Variants in TSHZ2 observed in about 807,000 individuals in gnomAD.
TSHZ2 encodes teashirt zinc finger homeobox 2, also known as teashirt homolog 2.
In TSHZ2, 21 loss-of-function variants were observed where a neutral mutation model predicts 74.4. The observed-to-expected ratio is 0.28, with a 90% CI of 0.20 to 0.41. The LOEUF is 0.41. Ranked by LOEUF, TSHZ2 falls within the 10% of genes least tolerant of loss-of-function variation. The pLI is 1.00. For missense variants in TSHZ2, 1,244 were observed against 1,293.5 expected, an observed-to-expected ratio of 0.96 and a Z score of 0.59; for synonymous variants, 540 against 515.3, an observed-to-expected ratio of 1.05 and a Z score of -0.65.
chr20:53,077,817 CAA>C (rs1303285040), intron 1 of TSHZ2, among the ~76,000 whole-genome samples: 6 of 152,338 alleles, frequency 3.9e-5, no homozygotes, highest in Admixed American at 3.3e-4. Flanking sequence ...AAATTAATAA[CAA>C]ATTTCCTGAT....
chr20:53,242,890 C>G (rs1990106448), intron 1 of TSHZ2, among the ~76,000 whole-genome samples: 1 of 152,148 alleles, frequency 6.6e-6, no homozygotes, highest in Non-Finnish European at 1.5e-5. Flanking sequence ...CTGGGTATAG[C>G]AATGGGATAC....
At chr20:53,225,716 G>A (rs1237187191) in intron 1 of TSHZ2, among the ~76,000 whole-genome samples, 2 of 152,168 alleles carry the variant, frequency 1.3e-5, no homozygotes, top group Non-Finnish European at 2.9e-5. Flanking sequence ...CTTGTTCATT[G>A]GCAGAACTGA....
chr20:53,387,240 A>T (rs1827244434), intron 2 of TSHZ2, among the ~76,000 whole-genome samples: 1 of 152,242 alleles, frequency 6.6e-6, no homozygotes, highest in Non-Finnish European at 1.5e-5. Context: ...ACTGTATGCA[A>T]TGTAGAAAAC....
intron 1 of TSHZ2, among the ~76,000 whole-genome samples, chr20:53,195,082 G>A (rs943346876): frequency 1.3e-5 from 2 of 152,124 alleles, no homozygotes; most frequent in South Asian, 4.2e-4. Context: ...CTTGCAGGCA[G>A]AGGAGCAGGA....
chr20:53,450,924 G>T (rs1341615745), intron 2 of TSHZ2, among the ~76,000 whole-genome samples: 4 of 151,784 alleles, frequency 2.6e-5, no homozygotes, highest in Admixed American at 2.6e-4. Context: ...TCTTTACAGT[G>T]TCCACTTTTC....
Position 53,360,597 on chromosome 20 carries a change from T to A in TSHZ2, c.*8+104026T>A, listed in dbSNP as rs77684060. Reference sequence around the variant, plus strand: ...AGATGGTGTGATTTTTGTCAGGGTTTTAATAATAACATCACAGTTAGACAG... The same window carrying A: ...AGATGGTGTGATTTTTGTCAGGGTTATAATAATAACATCACAGTTAGACAG... On this transcript the variant is annotated intron_variant, in intron 2 of 2. Coordinates refer to ENST00000371497, the MANE Select transcript of TSHZ2 (RefSeq NM_173485.6). Among the ~76,000 whole-genome samples, 323 of 152,324 alleles carry A rather than the reference T, an allele frequency of 2.1e-3. 10 individuals are homozygous for A. The East Asian group carries it at 0.05, about 24-fold the overall frequency.
intron 1 of TSHZ2, among the ~76,000 whole-genome samples, chr20:53,001,438 G>A (rs944000814): frequency 1.3e-5 from 2 of 152,202 alleles, no homozygotes; most frequent in East Asian, 1.9e-4. Context: ...TTCATGACCT[G>A]TTTGAACAAC....
At chr20:53,205,148 G>A (rs185781398) in intron 1 of TSHZ2, among the ~76,000 whole-genome samples, 9 of 151,724 alleles carry the variant, frequency 5.9e-5, no homozygotes, top group Admixed American at 4.6e-4. Flanking sequence ...TCACGTGAGC[G>A]ATTCAATTCT....
chr20:53,056,879 T>C (rs1048492687), intron 1 of TSHZ2, among the ~76,000 whole-genome samples: 1 of 152,192 alleles, frequency 6.6e-6, no homozygotes, highest in African/African-American at 2.4e-5. Flanking sequence ...AGTGGCTTCT[T>C]GTCTGTTAGT....
chr20:53,385,997 A>G (rs2145648399), intron 2 of TSHZ2, among the ~76,000 whole-genome samples: 1 of 152,288 alleles, frequency 6.6e-6, no homozygotes, highest in Non-Finnish European at 1.5e-5. Flanking sequence ...CCGCACCTTC[A>G]TTTTTAAGAC....
At chr20:53,134,440 T>C (rs1987190386) in intron 1 of TSHZ2, among the ~76,000 whole-genome samples, 1 of 152,240 alleles carries the variant, frequency 6.6e-6, no homozygotes, top group Non-Finnish European at 1.5e-5. Flanking sequence ...ACCTGGAGCA[T>C]AGCACACCTC....
At chr20:53,449,499 T>C (rs1036117078) in intron 2 of TSHZ2, among the ~76,000 whole-genome samples, 11 of 152,194 alleles carry the variant, frequency 7.2e-5, no homozygotes, top group African/African-American at 2.2e-4. Flanking sequence ...CGTGTCCTCA[T>C]TGAGTTTATG....
At chr20:53,085,896 G>C (rs1329718522) in intron 1 of TSHZ2, among the ~76,000 whole-genome samples, 1 of 152,148 alleles carries the variant, frequency 6.6e-6, no homozygotes, top group Non-Finnish European at 1.5e-5. Context: ...CCACAAGCCA[G>C]GCAGACCTTC....
chr20:53,422,603 T>C (rs757958787), intron 2 of TSHZ2, among the ~76,000 whole-genome samples: 27 of 152,090 alleles, frequency 1.8e-4, no homozygotes, highest in Non-Finnish European at 3.1e-4. Flanking sequence ...GCCTTTGAGT[T>C]AGATTAAATT....
At chr20:53,087,479 C>T (rs1985733367) in intron 1 of TSHZ2, among the ~76,000 whole-genome samples, 1 of 152,192 alleles carries the variant, frequency 6.6e-6, no homozygotes, top group Admixed American at 6.5e-5. Context: ...CTTCTTGATG[C>T]AAGCCCCCAG....
intron 1 of TSHZ2, among the ~76,000 whole-genome samples, chr20:53,102,190 G>A (rs549327644): frequency 7.2e-5 from 11 of 151,938 alleles, no homozygotes; most frequent in African/African-American, 2.2e-4. Flanking sequence ...CAATATGTAC[G>A]CAACTTTAGC....
chr20:53,270,812 T>G (rs1990818936), intron 2 of TSHZ2, among the ~76,000 whole-genome samples: 1 of 152,200 alleles, frequency 6.6e-6, no homozygotes, highest in Admixed American at 6.5e-5. Context: ...AAATGATGTT[T>G]CAGGTTATGC....
intron 1 of TSHZ2, among the ~76,000 whole-genome samples, chr20:53,194,680 C>A (rs1988818019): frequency 6.6e-6 from 1 of 152,228 alleles, no homozygotes; most frequent in South Asian, 2.1e-4. Context: ...AAGTCAGTGG[C>A]ATTAATTACT....
At chr20:53,314,495 T>C (rs1449323307) in intron 2 of TSHZ2, among the ~76,000 whole-genome samples, 1 of 152,098 alleles carries the variant, frequency 6.6e-6, no homozygotes, top group Non-Finnish European at 1.5e-5. Context: ...TTCATCCACC[T>C]GCAAATGGGC....
Sources: gnomAD v4.1 joint callset for allele counts (sites outside exome capture counted in the v4.1 genomes callset) on GRCh38, gnomAD v4.1.1 for gene constraint, MANE v1.5 for transcripts, NCBI Gene and HGNC (gene_info 2026-07-23, HGNC 2026-07-21) for gene names.